The following FASLG variants were observed in gnomAD, a reference collection of about 807,000 sequenced individuals.
The protein encoded by FASLG is tumor necrosis factor ligand superfamily member 6.
FASLG carries 9 observed loss-of-function variants against 24.6 expected under a neutral mutation model. The ratio of observed to expected loss-of-function variants is 0.37; its 90% CI spans 0.22 to 0.64. The LOEUF (loss-of-function observed/expected upper bound fraction) is 0.64, where lower values mean the gene tolerates loss of function less well. Ranked by LOEUF, FASLG falls within the 30% of genes least tolerant of loss-of-function variation. The probability of loss-of-function intolerance (pLI) is 0.64; values close to 1 mark genes in which losing one functional copy is unlikely to be tolerated. For missense variants in FASLG, 306 were observed against 345.3 expected (o/e 0.89, Z 0.90); for synonymous variants, 130 against 135.5 (o/e 0.96, Z 0.28).
chr1:172,661,289 T>C (rs1659133801), intron 2 of FASLG, among the ~76,000 whole-genome samples: 1 of 152,208 alleles, frequency 6.6e-6, no homozygotes, highest in Non-Finnish European at 1.5e-5. Flanking sequence ...CAAGTTCCAG[T>C]TTCTCCGGAT....
Position 172,659,437 on chromosome 1 carries a change from C to T in FASLG, c.236C>T (p.Thr79Ile). 2 of 1,613,932 alleles carry T rather than the reference C, an allele frequency of 1.2e-6. No homozygotes were observed. The highest frequency in any genetic ancestry group is 1.7e-6 in the Non-Finnish European group (2 of 1,179,906). ...CTGAAGAAGAGAGGGAACCACAGCA[C>T]AGGCCTGTGTCTCCTTGTGATGTTT... ...PPLKKRGNHS[T>I]GLCLLVMFFM... The change falls in exon 1 of 4, where the codon ACA (threonine) becomes ATA (isoleucine). Residue 79 changes from threonine to isoleucine, a missense_variant. Physicochemically the swap from Thr to Ile is moderately conservative, Grantham distance 89. Coordinates refer to ENST00000367721, the MANE Select transcript of FASLG (RefSeq NM_000639.3).
chr1:172,659,387 A>ACT lies in FASLG; in HGVS notation c.187_188dup (p.Pro64CysfsTer9). 1 of 1,611,506 alleles carries ACT rather than the reference A, an allele frequency of 6.2e-7. No individual in the cohort carries two copies. Among genetic ancestry groups the ACT allele is most frequent in the Non-Finnish European group, 8.5e-7 (1 of 1,178,786 alleles). ...TACCACCTCCGCCGCCGCCGCCACC[A>ACT]CTGCCTCCACTACCGCTGCCACCCC... On this transcript the variant is annotated frameshift_variant, in exon 1 of 4. Coordinates refer to ENST00000367721, the MANE Select transcript of FASLG (RefSeq NM_000639.3). LOFTEE classifies it high-confidence loss of function.
At position 172,665,892 on chromosome 1, in the gene FASLG, G is replaced by T; in HGVS notation, c.722G>T (p.Arg241Leu). 1 of 1,611,646 alleles carries T rather than the reference G, an allele frequency of 6.2e-7. No individual in the cohort carries two copies. Among genetic ancestry groups the T allele is most frequent in the Admixed American group, 1.7e-5 (1 of 59,952 alleles). ...TGCACTACTGGGCAGATGTGGGCCC[G>T]CAGCAGCTACCTGGGGGCAGTGTTC... is the stretch of plus-strand genomic sequence containing the variant. ...SYCTTGQMWA[R>L]SSYLGAVFNL... The change falls in exon 4 of 4, where the codon CGC becomes CTC. Residue 241 changes from arginine to leucine, a missense_variant. By Grantham distance (102) the Arg-to-Leu change is moderately radical. Transcript: ENST00000367721.
chr1:172,659,325 C>G lies in FASLG; in HGVS notation c.124C>G (p.Gln42Glu). The change falls in exon 1 of 4, where the codon CAA becomes GAA. Residue 42 changes from glutamine to glutamate, a missense_variant. Coordinates refer to ENST00000367721, the MANE Select transcript of FASLG (RefSeq NM_000639.3). ...CPTSVPRRPGQRRPPPPPPPP... is the reference protein window; with the variant it reads ...CPTSVPRRPGERRPPPPPPPP... Reference sequence around the variant, plus strand: ...AACCTCTGTGCCCAGAAGGCCTGGTCAAAGGAGGCCACCACCACCACCGCC... The same window carrying G: ...AACCTCTGTGCCCAGAAGGCCTGGTGAAAGGAGGCCACCACCACCACCGCC... 1 of 1,613,800 alleles carries G rather than the reference C, an allele frequency of 6.2e-7. No individual in the cohort carries two copies. The highest frequency in any genetic ancestry group is 1.3e-5 in the African/African-American group (1 of 75,020).
At position 172,666,130 on chromosome 1, in the gene FASLG, C is replaced by T. The variant is rs552315878; in HGVS notation, c.*114C>T. On this transcript the variant is annotated 3_prime_UTR_variant, in exon 4 of 4. Transcript: ENST00000367721. ...TGAGGTCAAGTAAGAAGACATGAAC[C>T]AAGTGGACCTTGAGACCACAGGGTT... 1.2e-5 allele frequency: 16 copies of T among 1,303,442 alleles called. No homozygotes were observed. The East Asian group carries it at 3.5e-4, about 29-fold the overall frequency. The allele number at this position is 1,303,442 out of a possible 1,614,324, so 80.7% of individuals were successfully genotyped here. A position where few individuals can be genotyped will look rare whatever the true frequency, so the allele number is the denominator to read the frequency against.
intron 2 of FASLG, among the ~76,000 whole-genome samples, chr1:172,661,703 C>G (rs1160282644): frequency 6.6e-6 from 1 of 151,690 alleles, no homozygotes; most frequent in Non-Finnish European, 1.5e-5. Context: ...AGTAACTTTA[C>G]TAATAAGAAA....
intron 3 of FASLG, among the ~76,000 whole-genome samples, chr1:172,665,392 T>A (rs78243263): frequency 6.6e-6 from 1 of 152,204 alleles, no homozygotes; most frequent in Admixed American, 6.5e-5. Flanking sequence ...CTTACTGCAA[T>A]GGATTACGGG....
Position 172,666,005 on chromosome 1 carries a change from T to C in FASLG, c.835T>C (p.Tyr279His). The C allele has an allele frequency of 1.9e-6, 3 of 1,614,214 alleles. No homozygotes were observed. The highest frequency in any genetic ancestry group is 2.5e-6 in the Non-Finnish European group (3 of 1,180,028). ...GGAATCTCAGACGTTTTTCGGCTTA[T>C]ATAAGCTCTAAGAGAAGCACTTTGG... is the stretch of plus-strand genomic sequence containing the variant. ...FEESQTFFGL[Y>H]KL The change falls in exon 4 of 4, where the codon TAT becomes CAT. Residue 279 changes from tyrosine to histidine, a missense_variant. Transcript: ENST00000367721.
chr1:172,663,283 C>G (rs966995661), intron 2 of FASLG, among the ~76,000 whole-genome samples: 1 of 151,954 alleles, frequency 6.6e-6, no homozygotes, highest in African/African-American at 2.4e-5. Flanking sequence ...GTGAACTCAA[C>G]GTATCGTAAG....
intron 2 of FASLG, among the ~76,000 whole-genome samples, chr1:172,661,983 G>A (rs942128850): frequency 5.3e-5 from 8 of 151,798 alleles, no homozygotes; most frequent in Non-Finnish European, 1.0e-4. Flanking sequence ...TATATATAAG[G>A]ATGTTCATTA....
intron 3 of FASLG, 124 bp from the exon 4 acceptor site, chr1:172,665,498 T>C (rs1320635761): frequency 9.0e-7 from 1 of 1,116,682 alleles, no homozygotes; most frequent in Non-Finnish European, 1.3e-6. Flanking sequence ...CAGCCAGTTC[T>C]ATACCAGCTG....
Position 172,666,561 on chromosome 1 carries a change from T to G in FASLG, c.*545T>G, listed in dbSNP as rs1008751509. The G allele has an allele frequency of 6.2e-6, 1 of 160,552 alleles. No homozygotes were observed. The highest frequency in any genetic ancestry group is 2.4e-5 in the African/African-American group (1 of 41,506). 9.9% of individuals were successfully genotyped at this position (160,552 alleles called of 1,614,324 possible). On this transcript the variant is annotated 3_prime_UTR_variant, in exon 4 of 4. Transcript: ENST00000367721. ...CTAACAGATAAGCAAGAGAGATGTT[T>G]TGGGGACTCATTTCATTCCTAACAC...
chr1:172,659,586 C>T (rs1238282052), intron 1 of FASLG, 37 bp downstream of exon 1: 1 of 1,610,822 alleles, frequency 6.2e-7, no homozygotes, highest in Non-Finnish European at 8.5e-7. Flanking sequence ...CCTGGAGGCA[C>T]CAGGCATAAG....
At position 172,659,280 on chromosome 1, in the gene FASLG, G is replaced by A; in HGVS notation, c.79G>A (p.Gly27Ser). Residue 27 changes from glycine (G) to serine (S), a missense_variant, in exon 1 of 4, where the codon GGC becomes AGC. Gly to Ser is a moderately conservative substitution (Grantham distance 56). Transcript: ENST00000367721. Reference sequence around the variant, plus strand: ...TGCCAGCTCTCCCTGGGCCCCTCCAGGCACAGTTCTTCCCTGTCCAACCTC... The same window carrying A: ...TGCCAGCTCTCCCTGGGCCCCTCCAAGCACAGTTCTTCCCTGTCCAACCTC... The part of the protein sequence containing the change: ...SSASSPWAPP[G>S]TVLPCPTSVP... 1 of 1,614,096 alleles carries A rather than the reference G, an allele frequency of 6.2e-7. No individual in the cohort carries two copies. The highest frequency in any genetic ancestry group is 8.5e-7 in the Non-Finnish European group (1 of 1,179,986).
intron 3 of FASLG, among the ~76,000 whole-genome samples, chr1:172,664,624 A>G (rs1659218670): frequency 6.6e-6 from 1 of 152,068 alleles, no homozygotes; most frequent in East Asian, 1.9e-4. Context: ...TTATGACATG[A>G]CCCCTGCCCA....
intron 2 of FASLG, among the ~76,000 whole-genome samples, chr1:172,663,584 C>T (rs1453709779): frequency 6.6e-6 from 1 of 152,150 alleles, no homozygotes; most frequent in East Asian, 1.9e-4. Context: ...TATGTGTAGG[C>T]CACAGAACTC....
Position 172,664,351 on chromosome 1 carries a change from C to T in FASLG, c.412C>T (p.Pro138Ser), listed in dbSNP as rs756917304. 9 of 1,613,820 alleles carry T rather than the reference C, an allele frequency of 5.6e-6. No individual in the cohort carries two copies. Among genetic ancestry groups the T allele is most frequent in the Admixed American group, 3.3e-5 (2 of 59,984 alleles). ...TGATACAGGCCACCCCAGTCCACCCCCTGAAAAAAAGGAGCTGAGGAAAGT... is the reference window on the plus strand; with the variant it reads ...TGATACAGGCCACCCCAGTCCACCCTCTGAAAAAAAGGAGCTGAGGAAAGT... ...EKQIGHPSPPPEKKELRKVAH... is the reference protein window; with the variant it reads ...EKQIGHPSPPSEKKELRKVAH... The change falls in exon 3 of 4, where the codon CCT (proline) becomes TCT (serine). Residue 138 changes from proline to serine, a missense_variant. Physicochemically the swap from Pro to Ser is moderately conservative, Grantham distance 74. Transcript: ENST00000367721.
chr1:172,663,246 C>T (rs1659180220), intron 2 of FASLG, among the ~76,000 whole-genome samples: 1 of 152,166 alleles, frequency 6.6e-6, no homozygotes, highest in South Asian at 2.1e-4. Context: ...TAGTAACATG[C>T]CCTGTGTTAG....
At chr1:172,665,092 C>T (rs1316817889) in intron 3 of FASLG, among the ~76,000 whole-genome samples, 2 of 152,140 alleles carry the variant, frequency 1.3e-5, no homozygotes, top group Non-Finnish European at 2.9e-5. Flanking sequence ...TAGGGAAAGA[C>T]AGGCACTTAT....
Sources: allele counts gnomAD v4.1 joint callset (sites outside exome capture counted in the v4.1 genomes callset), GRCh38; gene constraint gnomAD v4.1.1; transcripts MANE v1.5; gene names NCBI Gene and HGNC (gene_info 2026-07-23, HGNC 2026-07-21).